PODXL2: variants seen among roughly 807,000 people sequenced by gnomAD.
PODXL2 encodes the protein podocalyxin like 2, also known as podocalyxin-like protein 2.
Under a neutral mutation model 53.4 loss-of-function variants are expected in PODXL2, and 17 were observed. The observed-to-expected ratio is 0.32, with a 90% CI of 0.22 to 0.48. The LOEUF is 0.48. Among genes scored for constraint, PODXL2 ranks in the 20% least tolerant of loss-of-function variants. The probability of loss-of-function intolerance (pLI) is 0.99; values close to 1 mark genes in which losing one functional copy is unlikely to be tolerated. For missense variants in PODXL2, 673 were observed against 760.0 expected (o/e 0.89, Z 1.35); for synonymous variants, 311 against 306.7 (o/e 1.01, Z -0.15).
In PODXL2 at chr3:127,654,035, TG is replaced by T. The variant is rs143764110; in HGVS notation, c.350-6342del. ...GTAATTACAAACTTTATTCAAACTTTGCCAGTTTTCCCAGTAGTGTCTTTTA... is the reference window on the plus strand; with the variant it reads ...GTAATTACAAACTTTATTCAAACTTTCCAGTTTTCCCAGTAGTGTCTTTTA... On this transcript the variant is annotated intron_variant, in intron 2 of 7. Coordinates refer to ENST00000342480, the MANE Select transcript of PODXL2 (RefSeq NM_015720.4). Among the ~76,000 whole-genome samples the T allele has an allele frequency of 1.6e-3, 247 of 152,342 alleles. 4 individuals carry two copies. In the South Asian group the frequency reaches 0.023, roughly 14 times the overall value.
intron 4 of PODXL2, among the ~76,000 whole-genome samples, chr3:127,663,087 T>A (rs1445635685): frequency 6.6e-6 from 1 of 152,268 alleles, no homozygotes; most frequent in Non-Finnish European, 1.5e-5. Flanking sequence ...CTGTTTTATC[T>A]TTTTTAAAGA....
chr3:127,667,160 G>T (rs2074798902), intron 4 of PODXL2, among the ~76,000 whole-genome samples: 1 of 152,258 alleles, frequency 6.6e-6, no homozygotes, highest in Admixed American at 6.5e-5. Flanking sequence ...ACCAGTGAGT[G>T]CCAAGGCTTG....
Position 127,671,296 on chromosome 3 carries a change from A to C in PODXL2, c.1426-138A>C, listed in dbSNP as rs935944464. 8 of 739,928 alleles carry C rather than the reference A, an allele frequency of 1.1e-5. No individual in the cohort carries two copies. In the Admixed American group the frequency reaches 1.3e-4, roughly 12 times the overall value. The allele number at this position is 739,928 out of a possible 1,614,324, so 45.8% of individuals were successfully genotyped here. A position where few individuals can be genotyped will look rare whatever the true frequency, so the allele number is the denominator to read the frequency against. On this transcript the variant is annotated intron_variant, in intron 6 of 7. Coordinates refer to ENST00000342480, the MANE Select transcript of PODXL2 (RefSeq NM_015720.4). Reference sequence around the variant, plus strand: ...TGGGGTAGAGGCAAGCCCAGGCGCCAGGGAACTTCAGGAGCCGGGAGTGCC... The same window carrying C: ...TGGGGTAGAGGCAAGCCCAGGCGCCCGGGAACTTCAGGAGCCGGGAGTGCC...
At chr3:127,645,481 G>A (rs2074646752) in intron 2 of PODXL2, among the ~76,000 whole-genome samples, 2 of 152,216 alleles carry the variant, frequency 1.3e-5, no homozygotes, top group Admixed American at 1.3e-4. Context: ...AGCAGGACCA[G>A]TGCACGTGGT....
chr3:127,631,543 G>T (rs113809113), intron 1 of PODXL2, among the ~76,000 whole-genome samples: 5 of 152,034 alleles, frequency 3.3e-5, no homozygotes, highest in African/African-American at 9.7e-5. Context: ...TCCTCTGTTG[G>T]GTGTGATGAT....
intron 2 of PODXL2, among the ~76,000 whole-genome samples, chr3:127,647,574 C>T (rs2074664101): frequency 1.3e-5 from 2 of 152,190 alleles, no homozygotes; most frequent in South Asian, 2.1e-4. Context: ...GGCTGAAGAA[C>T]GGGGGTCCAG....
At chr3:127,662,367 G>T in intron 4 of PODXL2, 56 bp downstream of exon 4, 1 of 1,429,400 alleles carries the variant, frequency 7.0e-7, no homozygotes. Context: ...AGTGGACAGG[G>T]TGGGGCAGAG....
intron 2 of PODXL2, among the ~76,000 whole-genome samples, chr3:127,641,427 T>C (rs1023755095): frequency 2.6e-5 from 4 of 152,078 alleles, no homozygotes; most frequent in African/African-American, 7.2e-5. Context: ...CAGGCTGGTC[T>C]TGAACTCCTG....
At chr3:127,659,363 T>C (rs2074747369) in intron 2 of PODXL2, among the ~76,000 whole-genome samples, 1 of 152,246 alleles carries the variant, frequency 6.6e-6, no homozygotes, top group Non-Finnish European at 1.5e-5. Flanking sequence ...CTAAAATGTT[T>C]TTATCTTCAT....
At chr3:127,670,767 G>T (rs943500611) in intron 6 of PODXL2, among the ~76,000 whole-genome samples, 1 of 152,190 alleles carries the variant, frequency 6.6e-6, no homozygotes, top group African/African-American at 2.4e-5. Flanking sequence ...CTAAGATGCT[G>T]ATCTGTGGAG....
At position 127,639,404 on chromosome 3, in the gene PODXL2, C is replaced by T. The variant is rs376308988; in HGVS notation, c.230C>T (p.Pro77Leu). Reference protein sequence around the residue: ...TMGLGAGLGAPGSGFPSEENE... With the variant: ...TMGLGAGLGALGSGFPSEENE... ...GGCCTGGGAGCTGGGCTGGGAGCCC[C>T]TGGCTCAGGCTTCCCCAGCGAAGAG... Residue 77 changes from proline to leucine, a missense_variant, in exon 2 of 8, where the codon CCT becomes CTT. By Grantham distance (98) the Pro-to-Leu change is moderately conservative. Around this residue, in one of 3 missense-constraint regions of PODXL2, gnomAD observed 588 missense variants for 668.3 expected, o/e 0.88. Transcript: ENST00000342480. 1 of 1,614,268 alleles carries T rather than the reference C, an allele frequency of 6.2e-7. No homozygotes were observed. Among genetic ancestry groups the T allele is most frequent in the South Asian group, 1.1e-5 (1 of 91,088 alleles).
intron 4 of PODXL2, among the ~76,000 whole-genome samples, chr3:127,663,494 T>C (rs1006014698): frequency 9.8e-5 from 15 of 152,354 alleles, no homozygotes; most frequent in African/African-American, 3.1e-4. Flanking sequence ...TGAAGGGACA[T>C]GCATGCGTTG....
At chr3:127,670,427 A>G (rs2074825153) in intron 6 of PODXL2, among the ~76,000 whole-genome samples, 1 of 152,148 alleles carries the variant, frequency 6.6e-6, no homozygotes, top group East Asian at 1.9e-4. Context: ...GTGTGGGCTA[A>G]CCTTGACCTT....
chr3:127,671,885 T>C (rs1437132436), intron 7 of PODXL2, among the ~76,000 whole-genome samples: 1 of 152,294 alleles, frequency 6.6e-6, no homozygotes, highest in Non-Finnish European at 1.5e-5. Flanking sequence ...CTGCAGGGCC[T>C]GAGCACCTGA....
At position 127,660,832 on chromosome 3, in the gene PODXL2, A is replaced by G; in HGVS notation, c.804A>G (p.Thr268=). Residue 268 remains threonine (T), a synonymous_variant, in exon 3 of 8, where the codon ACA becomes ACG. Transcript: ENST00000342480. Reference sequence around the variant, plus strand: ...CCACCAGCCAAGAGGCAGAGGCCACAGTGCTGCCAGCTGCAGGGCTTGGGG... The same window carrying G: ...CCACCAGCCAAGAGGCAGAGGCCACGGTGCTGCCAGCTGCAGGGCTTGGGG... ...QDSTSQEAEA[T]VLPAAGLGVE... 1 of 1,614,240 alleles carries G rather than the reference A, an allele frequency of 6.2e-7. No individual in the cohort carries two copies. The highest frequency in any genetic ancestry group is 8.5e-7 in the Non-Finnish European group (1 of 1,180,036).
rs148327720 is a variant in PODXL2 at position 127,665,161 on chromosome 3, C to T, written c.1206+2850C>T. On this transcript the variant is annotated intron_variant, in intron 4 of 7. Transcript: ENST00000342480. ...TTTATAGCCTTCTTCCCTCCCATGC[C>T]GGGATATAATCCATGGTCATGCATC... is the stretch of plus-strand genomic sequence containing the variant. Among the ~76,000 whole-genome samples the T allele has an allele frequency of 4.9e-3, 744 of 152,278 alleles. 7 individuals are homozygous for T. The highest frequency in any genetic ancestry group is 0.016 in the African/African-American group (657 of 41,552).
chr3:127,672,180 C>A, intron 7 of PODXL2, 88 bp from the exon 8 acceptor site: 1 of 1,077,368 alleles, frequency 9.3e-7, no homozygotes, highest in Non-Finnish European at 1.4e-6. Context: ...GCGGGAACCC[C>A]CTGGGTGGGG....
intron 4 of PODXL2, among the ~76,000 whole-genome samples, chr3:127,664,794 C>T (rs2074786555): frequency 6.6e-6 from 1 of 151,916 alleles, no homozygotes; most frequent in Non-Finnish European, 1.5e-5. Context: ...CCTAAATGGT[C>T]TCATTGTGGT....
chr3:127,639,634 T>G (rs2074601896), intron 2 of PODXL2, 111 bp downstream of exon 2: 2 of 1,043,010 alleles, frequency 1.9e-6, no homozygotes, highest in Admixed American at 2.4e-5. Context: ...CCTACAGTTT[T>G]TACCATGCTG....
Sources: allele counts gnomAD v4.1 joint callset (sites outside exome capture counted in the v4.1 genomes callset), GRCh38; gene constraint gnomAD v4.1.1; regional missense constraint gnomAD v4.1.1; transcripts MANE v1.5; gene names NCBI Gene and HGNC (gene_info 2026-07-23, HGNC 2026-07-21).